Variants in TMEM132C observed in about 807,000 individuals in gnomAD.
The protein encoded by TMEM132C is transmembrane protein 132C, also known as protein phosphatase 1, regulatory subunit 152.
Under a neutral mutation model 61.4 loss-of-function variants are expected in TMEM132C, and 29 were observed. The observed-to-expected ratio is 0.47, with a 90% CI of 0.35 to 0.64. The LOEUF is 0.64. TMEM132C is among the 30% of genes least tolerant of loss of function. The probability of loss-of-function intolerance (pLI) is 0.00; values close to 1 mark genes in which losing one functional copy is unlikely to be tolerated. For synonymous variants in TMEM132C, 656 were observed against 633.1 expected (o/e 1.04, Z -0.54); for missense variants, 1,408 against 1,476.9 (o/e 0.95, Z 0.76).
chr12:128,358,493 T>TTTTGTGTGTG (rs1555220207), intron 1 of TMEM132C, among the ~76,000 whole-genome samples: 2 of 144,900 alleles, frequency 1.4e-5, no homozygotes, highest in Non-Finnish European at 3.0e-5. Context: ...ACTTTTAAAA[T>TTTTGTGTGTG]TGTGTGTGTG....
intron 4 of TMEM132C, among the ~76,000 whole-genome samples, chr12:128,636,084 T>C (rs1954100829): frequency 6.6e-6 from 1 of 152,186 alleles, no homozygotes; most frequent in Non-Finnish European, 1.5e-5. Context: ...AGGGTCTCAC[T>C]CTGTTGCCCA....
At chr12:128,375,937 G>T (rs1162452524) in intron 1 of TMEM132C, among the ~76,000 whole-genome samples, 3 of 152,176 alleles carry the variant, frequency 2.0e-5, no homozygotes, top group Non-Finnish European at 4.4e-5. Context: ...AGGTGACTTT[G>T]CATACCTAGG....
chr12:128,452,489 G>A (rs979792068), intron 2 of TMEM132C, among the ~76,000 whole-genome samples: 13 of 151,458 alleles, frequency 8.6e-5, no homozygotes, highest in Admixed American at 2.6e-4. Context: ...GGAGGCCGGG[G>A]TGGGTGGATC....
chr12:128,683,167 C>G (rs1954648872), intron 5 of TMEM132C, among the ~76,000 whole-genome samples: 1 of 152,160 alleles, frequency 6.6e-6, no homozygotes, highest in South Asian at 2.1e-4. Context: ...CCTCTTCCAA[C>G]CCCCTTGTAA....
intron 2 of TMEM132C, among the ~76,000 whole-genome samples, chr12:128,535,635 G>C (rs537241461): frequency 1.3e-5 from 2 of 152,174 alleles, no homozygotes; most frequent in Non-Finnish European, 2.9e-5. Flanking sequence ...TTGGGAAGCC[G>C]AAGCAGGCAG....
intron 1 of TMEM132C, among the ~76,000 whole-genome samples, chr12:128,413,315 A>AAAC (rs1353488074): frequency 6.6e-6 from 1 of 150,662 alleles, no homozygotes; most frequent in Non-Finnish European, 1.5e-5. Flanking sequence ...AAAAAAAAAA[A>AAAC]AAAAAACCAA....
chr12:128,383,809 T>C (rs569934275), intron 1 of TMEM132C, among the ~76,000 whole-genome samples: 34 of 152,328 alleles, frequency 2.2e-4, no homozygotes, highest in African/African-American at 7.5e-4. Flanking sequence ...CTTAACGGCT[T>C]GCAAAGTTCT....
intron 4 of TMEM132C, among the ~76,000 whole-genome samples, chr12:128,640,825 G>T (rs575878162): frequency 1.3e-5 from 2 of 152,134 alleles, no homozygotes; most frequent in African/African-American, 4.8e-5. Context: ...AGGTTGGGCC[G>T]CAGTGAGCCA....
intron 2 of TMEM132C, among the ~76,000 whole-genome samples, chr12:128,447,282 G>C (rs2136053795): frequency 6.6e-6 from 1 of 152,284 alleles, no homozygotes; most frequent in East Asian, 1.9e-4. Context: ...CTGTGGCAGG[G>C]AGAGAAAGAA....
chr12:128,685,382 G>A (rs552169872), intron 5 of TMEM132C, among the ~76,000 whole-genome samples: 28 of 152,310 alleles, frequency 1.8e-4, no homozygotes, highest in South Asian at 1.2e-3. Context: ...AGCGGGGCTC[G>A]GCCGGACAGC....
intron 1 of TMEM132C, among the ~76,000 whole-genome samples, chr12:128,272,135 G>C (rs1870543450): frequency 6.6e-6 from 1 of 152,172 alleles, no homozygotes; most frequent in African/African-American, 2.4e-5. Context: ...TAGGATTGCG[G>C]TATAGAACGT....
In TMEM132C at chr12:128,454,527, A is replaced by G. The variant is rs192464600; in HGVS notation, c.974+38907A>G. On this transcript the variant is annotated intron_variant, in intron 2 of 8. Coordinates refer to ENST00000435159, the MANE Select transcript of TMEM132C (RefSeq NM_001136103.3). Reference sequence around the variant, plus strand: ...AAAATGACCATTTGGTTTTGCCTCTAACTTTGTGGGGCAAGGCTTGGCTGG... The same window carrying G: ...AAAATGACCATTTGGTTTTGCCTCTGACTTTGTGGGGCAAGGCTTGGCTGG... Among the ~76,000 whole-genome samples, 8 of 152,368 alleles carry G rather than the reference A, an allele frequency of 5.3e-5. No individual in the cohort carries two copies. In the East Asian group the frequency reaches 1.5e-3, roughly 29 times the overall value.
chr12:128,435,354 C>G (rs1869546101), intron 2 of TMEM132C, among the ~76,000 whole-genome samples: 1 of 152,156 alleles, frequency 6.6e-6, no homozygotes, highest in South Asian at 2.1e-4. Context: ...AAGAGGAAGT[C>G]AAATTGTCCC....
chr12:128,339,496 C>T (rs1872890022), intron 1 of TMEM132C, among the ~76,000 whole-genome samples: 1 of 152,018 alleles, frequency 6.6e-6, no homozygotes, highest in Admixed American at 6.5e-5. Context: ...AGCTGCAAGT[C>T]TCCCCTCCTC....
At chr12:128,618,717 A>G (rs1299777108) in intron 4 of TMEM132C, among the ~76,000 whole-genome samples, 1 of 152,310 alleles carries the variant, frequency 6.6e-6, no homozygotes, top group South Asian at 2.1e-4. Flanking sequence ...TCCCGTCGCC[A>G]TGTAAGACAT....
chr12:128,632,110 G>T (rs927311545), intron 4 of TMEM132C, among the ~76,000 whole-genome samples: 1 of 152,188 alleles, frequency 6.6e-6, no homozygotes, highest in African/African-American at 2.4e-5. Context: ...CTATTGATCA[G>T]AGATCAGGGG....
intron 3 of TMEM132C, among the ~76,000 whole-genome samples, chr12:128,568,197 A>G (rs1281368984): frequency 6.6e-6 from 1 of 152,232 alleles, no homozygotes; most frequent in East Asian, 1.9e-4. Context: ...TTGCCATTAA[A>G]GAAGGGAGCA....
intron 2 of TMEM132C, among the ~76,000 whole-genome samples, chr12:128,434,788 A>G (rs1381628882): frequency 1.3e-5 from 2 of 151,114 alleles, no homozygotes; most frequent in African/African-American, 4.9e-5. Flanking sequence ...TAAATTTTTT[A>G]TTTTTGGTAT....
intron 1 of TMEM132C, among the ~76,000 whole-genome samples, chr12:128,362,460 G>A (rs7971122): frequency 0.031 from 4,725 of 152,272 alleles, 258 homozygotes; most frequent in African/African-American, 0.11. Context: ...GCTAGTGGTT[G>A]CAGCTTTCAT....
Sources: allele counts gnomAD v4.1 joint callset (sites outside exome capture counted in the v4.1 genomes callset), GRCh38; gene constraint gnomAD v4.1.1; transcripts MANE v1.5; gene names NCBI Gene and HGNC (gene_info 2026-07-23, HGNC 2026-07-21).